The following DLX6 variants were observed in gnomAD, a reference collection of about 807,000 sequenced individuals.
The protein encoded by DLX6 is distal-less homeobox 6.
A neutral mutation model predicts 33.5 loss-of-function variants in DLX6; 4 were observed. The ratio of observed to expected loss-of-function variants is 0.12; its 90% CI spans 0.06 to 0.27. The LOEUF (loss-of-function observed/expected upper bound fraction) is 0.27, where lower values mean the gene tolerates loss of function less well. Among genes scored for constraint, DLX6 ranks in the 10% least tolerant of loss-of-function variants. The pLI is 1.00. For synonymous variants in DLX6, 184 were observed against 164.8 expected, an observed-to-expected ratio of 1.12 and a Z score of -0.89; for missense variants, 382 against 393.3, an observed-to-expected ratio of 0.97 and a Z score of 0.24.
At chr7:97,006,551 G>T (rs1253256402) in intron 1 of DLX6, 138 bp downstream of exon 1, 19 of 871,644 alleles carry the variant, frequency 2.2e-5, no homozygotes, top group Non-Finnish European at 2.8e-5. Flanking sequence ...GCCGGGCCCC[G>T]TGCGCGCCCG....
rs891337137 is a variant in DLX6, at chr7:97,005,650, A to G, written c.-328A>G. On this transcript the variant is annotated 5_prime_UTR_variant, in exon 1 of 3. Transcript: ENST00000518156. ...TGCCTTAAACTGCACCAGCCCCCAAAAAATCCAAGGGGGGAAAGCAGGCGG... is the reference window on the plus strand; with the variant it reads ...TGCCTTAAACTGCACCAGCCCCCAAGAAATCCAAGGGGGGAAAGCAGGCGG... 2 of 166,922 alleles carry G rather than the reference A, an allele frequency of 1.2e-5. No individual in the cohort carries two copies. The highest frequency in any genetic ancestry group is 4.8e-5 in the African/African-American group (2 of 41,862). 10.3% of individuals were successfully genotyped at this position (166,922 alleles called of 1,614,324 possible).
Position 97,006,080 on chromosome 7 carries a change from CAG to C in DLX6, c.104_105del (p.Gln35ProfsTer119), listed in dbSNP as rs1789712931. 4.5e-6 allele frequency: 7 copies of C among 1,556,834 alleles called. No individual in the cohort carries two copies. The highest frequency in any genetic ancestry group is 3.5e-6 in the Non-Finnish European group (4 of 1,151,872). On this transcript the variant is annotated frameshift_variant, in exon 1 of 3. Transcript: ENST00000518156. LOFTEE classifies it high-confidence loss of function. Reference protein sequence around the residue: ...GQQQQQQQQQQQQQQQQQQQP... With the variant: ...GQQQQQQQQQXQQQQQQQQQP... ...GCAGCAGCAGCAGCAGCAGCAACAG[CAG>C]CAGCAGCAGCAGCAGCAACAGCAAC...
At position 97,010,159 on chromosome 7, in the gene DLX6, T is replaced by G; in HGVS notation, c.*112T>G. ...GAGCAGGCTTAGGAGAGCTCATAAG[T>G]GTGGCAAGAAGCCGACTAGGCTCAT... On this transcript the variant is annotated 3_prime_UTR_variant, in exon 3 of 3. Coordinates refer to ENST00000518156, the MANE Select transcript of DLX6 (RefSeq NM_005222.4). 7.5e-7 allele frequency: 1 copy of G among 1,341,546 alleles called. No homozygotes were observed. The highest frequency in any genetic ancestry group is 1.0e-6 in the Non-Finnish European group (1 of 1,001,974). The allele number at this position is 1,341,546 out of a possible 1,614,324, so 83.1% of individuals were successfully genotyped here. A position where few individuals can be genotyped will look rare whatever the true frequency, so the allele number is the denominator to read the frequency against.
In DLX6 at chr7:97,006,312, C is replaced by G; in HGVS notation, c.335C>G (p.Ser112Trp). 6.6e-7 allele frequency: 1 copy of G among 1,524,318 alleles called. No homozygotes were observed. Among genetic ancestry groups the G allele is most frequent in the Non-Finnish European group, 8.8e-7 (1 of 1,133,190 alleles). 94.4% of individuals were successfully genotyped at this position (1,524,318 alleles called of 1,614,324 possible). A position where few individuals can be genotyped will look rare whatever the true frequency, so the allele number is the denominator to read the frequency against. The change falls in exon 1 of 3, where the codon TCG becomes TGG. Residue 112 changes from serine (S) to tryptophan (W), a missense_variant. This residue lies in a region of DLX6 where 257 missense variants were observed against 206.9 expected (regional missense o/e 1.24). Coordinates refer to ENST00000518156, the MANE Select transcript of DLX6 (RefSeq NM_005222.4). ...GGAGGGAACTCCTACAACCACCGCT[C>G]GCTCGCCGCCTACCCCTACATGAGC... ...SGGGNSYNHR[S>W]LAAYPYMSHS...
intron 2 of DLX6, among the ~76,000 whole-genome samples, chr7:97,009,298 T>C (rs976540305): frequency 2.0e-5 from 3 of 152,250 alleles, no homozygotes; most frequent in Non-Finnish European, 2.9e-5. Flanking sequence ...TCCTTGTACC[T>C]TTATAGAGAT....
At chr7:97,006,534 G>A in intron 1 of DLX6, 121 bp downstream of exon 1, 1 of 1,093,734 alleles carries the variant, frequency 9.1e-7, no homozygotes, top group Non-Finnish European at 1.1e-6. Context: ...GGCCCCGCGC[G>A]CCCTTGGCCG....
At position 97,009,971 on chromosome 7, in the gene DLX6, A is replaced by G; in HGVS notation, c.806A>G (p.Asn269Ser). The G allele has an allele frequency of 1.2e-6, 2 of 1,613,390 alleles. No homozygotes were observed. The highest frequency in any genetic ancestry group is 1.1e-5 in the South Asian group (1 of 91,002). Residue 269 changes from asparagine (N) to serine (S), a missense_variant, in exon 3 of 3, where the codon AAC becomes AGC. Asn to Ser is a conservative substitution (Grantham distance 46, BLOSUM62 1). This residue lies in a region of DLX6 where 96 missense variants were observed against 93.3 expected (regional missense o/e 1.03). Coordinates refer to ENST00000518156, the MANE Select transcript of DLX6 (RefSeq NM_005222.4). ...ASAKGVSMPP[N>S]SYMPGYSHWY... is the part of the protein sequence containing the mutation. ...GCCAAGGGTGTCAGTATGCCCCCCA[A>G]CAGCTACATGCCTGGCTATTCTCAC... is the stretch of plus-strand genomic sequence containing the variant.
At position 97,006,118 on chromosome 7, in the gene DLX6, G is replaced by A. The variant is rs1269340420; in HGVS notation, c.141G>A (p.Pro47=). 2.0e-6 allele frequency: 3 copies of A among 1,531,320 alleles called. No individual in the cohort carries two copies. Among genetic ancestry groups the A allele is most frequent in the Non-Finnish European group, 1.8e-6 (2 of 1,135,702 alleles). 94.9% of individuals were successfully genotyped at this position (1,531,320 alleles called of 1,614,324 possible). A position where few individuals can be genotyped will look rare whatever the true frequency, so the allele number is the denominator to read the frequency against. The change falls in exon 1 of 3, where the codon CCG becomes CCA. Residue 47 remains proline (P), a synonymous_variant. Coordinates refer to ENST00000518156, the MANE Select transcript of DLX6 (RefSeq NM_005222.4). ...AGCAGCAACAGCAACAGCCGCCGCC[G>A]CCGCCGCCGCCGCCGCCGCAGCCGC... is the stretch of plus-strand genomic sequence containing the variant. ...QQQQQQQQPP[P]PPPPPPQPHS... is the part of the protein sequence containing the mutation.
chr7:97,010,067 T>C lies in DLX6; in HGVS notation c.*20T>C. On this transcript the variant is annotated 3_prime_UTR_variant, in exon 3 of 3. Coordinates refer to ENST00000518156, the MANE Select transcript of DLX6 (RefSeq NM_005222.4). ...ATGTGAGTTGCCCAAGGGAACACCC[T>C]AGGGAAACGTCTGAACAAGGAAAAG... 2 of 1,570,450 alleles carry C rather than the reference T, an allele frequency of 1.3e-6. No homozygotes were observed. Among genetic ancestry groups the C allele is most frequent in the Non-Finnish European group, 1.7e-6 (2 of 1,157,238 alleles).
rs563784519 is a variant in DLX6 at position 97,006,138 on chromosome 7, A to T, written c.161A>T (p.Gln54Leu). The part of the protein sequence containing the change: ...QPPPPPPPPP[Q>L]PHSQQSSPAM... ...CCGCCGCCGCCGCCGCCGCCGCCGC[A>T]GCCGCACTCGCAGCAGAGCTCCCCG... is the stretch of plus-strand genomic sequence containing the variant. Residue 54 changes from glutamine (Q) to leucine (L), a missense_variant, in exon 1 of 3, where the codon CAG (glutamine) becomes CTG (leucine). Around this residue, in one of 4 missense-constraint regions of DLX6, gnomAD observed 257 missense variants for 206.9 expected, o/e 1.24. Coordinates refer to ENST00000518156, the MANE Select transcript of DLX6 (RefSeq NM_005222.4). 5.1e-6 allele frequency: 7 copies of T among 1,383,600 alleles called. No homozygotes were observed. The South Asian group carries it at 8.8e-5, about 17-fold the overall frequency. 85.7% of individuals were successfully genotyped at this position (1,383,600 alleles called of 1,614,324 possible).
Position 97,006,257 on chromosome 7 carries a change from C to T in DLX6, c.280C>T (p.His94Tyr). 6.5e-7 allele frequency: 1 copy of T among 1,526,862 alleles called. No homozygotes were observed. The highest frequency in any genetic ancestry group is 1.2e-5 in the South Asian group (1 of 80,932). 94.6% of individuals were successfully genotyped at this position (1,526,862 alleles called of 1,614,324 possible). ...GCACCACCACCACCACCACCAGCAC[C>T]ACCACCACGGCTCGCCCTACGCGTC... is the stretch of plus-strand genomic sequence containing the variant. ...GSHHHHHHQHHHHGSPYASGG... is the reference protein window; with the variant it reads ...GSHHHHHHQHYHHGSPYASGG... The change falls in exon 1 of 3, where the codon CAC becomes TAC. Residue 94 changes from histidine (H) to tyrosine (Y), a missense_variant. This residue lies in a region of DLX6 where 257 missense variants were observed against 206.9 expected (regional missense o/e 1.24). Coordinates refer to ENST00000518156, the MANE Select transcript of DLX6 (RefSeq NM_005222.4).
chr7:97,007,900 C>A (rs577886924), intron 2 of DLX6, 69 bp downstream of exon 2: 3 of 1,431,816 alleles, frequency 2.1e-6, no homozygotes, highest in East Asian at 2.5e-5. Context: ...GGGAGCACAT[C>A]AGGAGGAATT....
intron 1 of DLX6, chr7:97,007,356 A>G: frequency 1.7e-6 from 1 of 598,592 alleles, no homozygotes; most frequent in African/African-American, 1.9e-5. Context: ...AGCCTCCGGC[A>G]CCGCCTCCGC....
Position 97,006,248 on chromosome 7 carries a change from C to G in DLX6, c.271C>G (p.His91Asp). The change falls in exon 1 of 3, where the codon CAC becomes GAC. Residue 91 changes from histidine to aspartate, a missense_variant. His to Asp is a moderately conservative substitution (Grantham distance 81). Coordinates refer to ENST00000518156, the MANE Select transcript of DLX6 (RefSeq NM_005222.4). Reference sequence around the variant, plus strand: ...GGCCGGCTCGCACCACCACCACCACCACCAGCACCACCACCACGGCTCGCC... The same window carrying G: ...GGCCGGCTCGCACCACCACCACCACGACCAGCACCACCACCACGGCTCGCC... ...AAAGSHHHHH[H>D]QHHHHGSPYA... The G allele has an allele frequency of 1.3e-6, 2 of 1,525,126 alleles. No homozygotes were observed. Among genetic ancestry groups the G allele is most frequent in the East Asian group, 2.6e-5 (1 of 37,906 alleles). The allele number at this position is 1,525,126 out of a possible 1,614,324, so 94.5% of individuals were successfully genotyped here.
chr7:97,010,480 T>TC lies in DLX6; in HGVS notation c.*433_*434insC, dbSNP rs1789823301. ...GCTCTGAGTCTCTTCTCTTTGGGAG[T>TC]ATCCATCAAAATGACTTTTTTTAAA... On this transcript the variant is annotated 3_prime_UTR_variant, in exon 3 of 3. Transcript: ENST00000518156. 6.3e-6 allele frequency: 1 copy of TC among 157,526 alleles called. No individual in the cohort carries two copies. Among genetic ancestry groups the TC allele is most frequent in the Admixed American group, 6.3e-5 (1 of 15,848 alleles). 9.8% of individuals were successfully genotyped at this position (157,526 alleles called of 1,614,324 possible).
chr7:97,009,027 C>T (rs1431574657), intron 2 of DLX6, among the ~76,000 whole-genome samples: 3 of 152,188 alleles, frequency 2.0e-5, no homozygotes, highest in African/African-American at 7.2e-5. Flanking sequence ...TCCCGATTCA[C>T]GTTTAATTTT....
rs577308236 is a variant in DLX6 at position 97,005,786 on chromosome 7, A to G, written c.-192A>G. On this transcript the variant is annotated 5_prime_UTR_variant, in exon 1 of 3. It adds an upstream start codon to the 5' untranslated region. Coordinates refer to ENST00000518156, the MANE Select transcript of DLX6 (RefSeq NM_005222.4). ...ATATCTCTTTATATTAAATATATAT[A>G]TATATTAGAGAAGAGCGAGGGAGAG... 1.8e-4 allele frequency: 58 copies of G among 328,396 alleles called. 2 individuals carry two copies. The highest frequency in any genetic ancestry group is 1.2e-3 in the African/African-American group (54 of 45,304). The allele number at this position is 328,396 out of a possible 1,614,324, so 20.3% of individuals were successfully genotyped here. A position where few individuals can be genotyped will look rare whatever the true frequency, so the allele number is the denominator to read the frequency against.
rs753838572 is a variant in DLX6, at chr7:97,005,843, CTTTTTTTTT to C, written c.-119_-111del. The C allele has an allele frequency of 4.3e-3, 984 of 226,386 alleles. 1 individual carries two copies. Among genetic ancestry groups the C allele is most frequent in the East Asian group, 0.019 (229 of 12,372 alleles). 14.0% of individuals were successfully genotyped at this position (226,386 alleles called of 1,614,324 possible). On this transcript the variant is annotated 5_prime_UTR_variant, in exon 1 of 3. Coordinates refer to ENST00000518156, the MANE Select transcript of DLX6 (RefSeq NM_005222.4). The stretch of plus-strand genomic sequence containing the variant: ...CCACCTCCACCCCCCTCTTTAAATT[CTTTTTTTTT>C]TTTTTTTTTTTTTTTGCAAGGATCC...
intron 1 of DLX6, chr7:97,007,353 G>A (rs1562791778): frequency 3.3e-6 from 2 of 598,396 alleles, no homozygotes; most frequent in Non-Finnish European, 5.9e-6. Flanking sequence ...GAGAGCCTCC[G>A]GCACCGCCTC....
Sources: gnomAD v4.1 joint callset for allele counts (sites outside exome capture counted in the v4.1 genomes callset) on GRCh38, gnomAD v4.1.1 for gene constraint, gnomAD v4.1.1 regional missense constraint, MANE v1.5 for transcripts, NCBI Gene and HGNC (gene_info 2026-07-23, HGNC 2026-07-21) for gene names.